The following PTPRJ variants were observed in gnomAD, a reference collection of about 807,000 sequenced individuals.
PTPRJ encodes protein tyrosine phosphatase receptor type J, also known as receptor-type tyrosine-protein phosphatase eta.
PTPRJ carries 129 observed loss-of-function variants against 141.3 expected under a neutral mutation model. The observed-to-expected ratio is 0.91, with a 90% CI of 0.79 to 1.06. PTPRJ has a LOEUF of 1.06. Among genes scored for constraint, PTPRJ ranks in the 50% least tolerant of loss-of-function variants. The pLI is 0.00. For synonymous variants in PTPRJ, 610 were observed against 640.5 expected, an observed-to-expected ratio of 0.95 and a Z score of 0.72; for missense variants, 1,601 against 1,679.7, an observed-to-expected ratio of 0.95 and a Z score of 0.82.
intron 1 of PTPRJ, among the ~76,000 whole-genome samples, chr11:48,082,392 C>T (rs1201700270): frequency 1.3e-5 from 2 of 150,136 alleles, no homozygotes; most frequent in African/African-American, 4.9e-5. Flanking sequence ...CACAGGCTTA[C>T]ACCACCATAC....
At chr11:48,094,451 A>T (rs1855951277) in intron 1 of PTPRJ, among the ~76,000 whole-genome samples, 1 of 152,184 alleles carries the variant, frequency 6.6e-6, no homozygotes, top group Non-Finnish European at 1.5e-5. Context: ...TCCGAAATGA[A>T]GTGTTGTTTG....
chr11:48,126,809 CACACACACACAGAT>C lies in PTPRJ; in HGVS notation c.1094-969_1094-956del, dbSNP rs1237010614. Among the ~76,000 whole-genome samples, 1,108 of 127,434 alleles carry C rather than the reference CACACACACACAGAT, an allele frequency of 8.7e-3. 18 individuals are homozygous for C. Among genetic ancestry groups the C allele is most frequent in the African/African-American group, 0.036 (1,051 of 29,288 alleles). The allele number at this position is 127,434 out of a possible 152,430, so 83.6% of individuals were successfully genotyped here. A position where few individuals can be genotyped will look rare whatever the true frequency, so the allele number is the denominator to read the frequency against. ...ACACACACACACACACACACACACACACACACACACAGATAAACACACATTTCCACCCACCCCAG... is the reference window on the plus strand; with the variant it reads ...ACACACACACACACACACACACACACAAACACACATTTCCACCCACCCCAG... On this transcript the variant is annotated intron_variant, in intron 6 of 24. Coordinates refer to ENST00000418331, the MANE Select transcript of PTPRJ (RefSeq NM_002843.4).
chr11:48,049,632 T>C (rs1248905662), intron 1 of PTPRJ, among the ~76,000 whole-genome samples: 4 of 150,628 alleles, frequency 2.7e-5, no homozygotes, highest in African/African-American at 9.8e-5. Context: ...GAGAATCGCT[T>C]GAACCTGGGA....
intron 1 of PTPRJ, among the ~76,000 whole-genome samples, chr11:48,005,978 A>G (rs1273149251): frequency 6.6e-6 from 1 of 152,228 alleles, no homozygotes; most frequent in Non-Finnish European, 1.5e-5. Flanking sequence ...CTGCTGGGCC[A>G]GGCGATTGCA....
In PTPRJ at chr11:48,121,008, A is replaced by G. The variant is rs1327398947; in HGVS notation, c.358A>G (p.Ser120Gly). 1 of 1,590,512 alleles carries G rather than the reference A, an allele frequency of 6.3e-7. No individual in the cohort carries two copies. The highest frequency in any genetic ancestry group is 1.1e-5 in the South Asian group (1 of 88,222). The change falls in exon 4 of 25, where the codon AGT becomes GGT. Residue 120 changes from serine to glycine, a missense_variant. Ser to Gly is a moderately conservative substitution (Grantham distance 56). Coordinates refer to ENST00000418331, the MANE Select transcript of PTPRJ (RefSeq NM_002843.4). The stretch of plus-strand genomic sequence containing the variant: ...TTTTTTTTTTAACAATATAGGGCCC[A>G]GTCCTGTGTTTGACATTAAAGCTGT... ...SQKTPSSTGP[S>G]PVFDIKAVSI... is the part of the protein sequence containing the mutation.
intron 1 of PTPRJ, among the ~76,000 whole-genome samples, chr11:48,035,738 C>T (rs951914661): frequency 6.6e-6 from 1 of 151,978 alleles, no homozygotes; most frequent in Admixed American, 6.6e-5. Context: ...ATGATATTCT[C>T]ATCAGGCTGA....
chr11:48,112,472 C>T (rs1307965747), intron 2 of PTPRJ, among the ~76,000 whole-genome samples: 1 of 152,168 alleles, frequency 6.6e-6, no homozygotes, highest in African/African-American at 2.4e-5. Context: ...AGCTCTTGGC[C>T]ATAGGAGCTC....
intron 1 of PTPRJ, among the ~76,000 whole-genome samples, chr11:48,000,621 T>A (rs896783546): frequency 6.6e-6 from 1 of 151,390 alleles, no homozygotes; most frequent in Non-Finnish European, 1.5e-5. Flanking sequence ...ACCCACTCCC[T>A]GTTCACAGAC....
intron 1 of PTPRJ, among the ~76,000 whole-genome samples, chr11:48,086,912 G>A (rs1264561890): frequency 6.6e-6 from 1 of 152,098 alleles, no homozygotes; most frequent in Non-Finnish European, 1.5e-5. Context: ...CTGAGGAAAT[G>A]CATACTTTGA....
intron 7 of PTPRJ, among the ~76,000 whole-genome samples, chr11:48,128,427 G>A (rs2134348954): frequency 6.6e-6 from 1 of 152,234 alleles, no homozygotes; most frequent in East Asian, 1.9e-4. Flanking sequence ...ATCCCCTTGT[G>A]TCTTGGGTGC....
At chr11:48,074,936 T>C (rs1213727482) in intron 1 of PTPRJ, among the ~76,000 whole-genome samples, 1 of 151,996 alleles carries the variant, frequency 6.6e-6, no homozygotes, top group Admixed American at 6.6e-5. Context: ...TAAGCAAGCA[T>C]AGGTGAGGTG....
chr11:47,988,378 C>G (rs1445251704), intron 1 of PTPRJ, among the ~76,000 whole-genome samples: 1 of 151,342 alleles, frequency 6.6e-6, no homozygotes, highest in Non-Finnish European at 1.5e-5. Context: ...TCAGTTTGTA[C>G]CCCAGCGTGG....
chr11:48,145,562 T>TG, intron 14 of PTPRJ, among the ~76,000 whole-genome samples: 1 of 145,800 alleles, frequency 6.9e-6, no homozygotes, highest in Admixed American at 6.7e-5. Flanking sequence ...TTTTATGTTT[T>TG]TTTTTTTTTT....
chr11:48,044,914 G>A (rs550178170), intron 1 of PTPRJ: 1 of 152,386 alleles, frequency 6.6e-6, no homozygotes, highest in East Asian at 1.9e-4. Context: ...GAATATTGGT[G>A]TTGGGGATGA....
At chr11:48,115,809 AG>A (rs1170399720) in intron 3 of PTPRJ, among the ~76,000 whole-genome samples, 2 of 152,242 alleles carry the variant, frequency 1.3e-5, no homozygotes, top group Non-Finnish European at 2.9e-5. Context: ...ATGGACTAGA[AG>A]TGTAGAGGTC....
intron 1 of PTPRJ, among the ~76,000 whole-genome samples, chr11:48,099,072 C>T (rs1030801143): frequency 1.3e-5 from 2 of 152,158 alleles, no homozygotes; most frequent in African/African-American, 4.8e-5. Flanking sequence ...AGGGGAAGAT[C>T]GAAATTTAGC....
Position 48,139,699 on chromosome 11 carries a change from A to C in PTPRJ, c.2366A>C (p.Tyr789Ser). The C allele has an allele frequency of 3.7e-6, 6 of 1,614,152 alleles. No individual in the cohort carries two copies. Among genetic ancestry groups the C allele is most frequent in the Non-Finnish European group, 5.1e-6 (6 of 1,180,028 alleles). The change falls in exon 11 of 25, where the codon TAC becomes TCC. Residue 789 changes from tyrosine to serine, a missense_variant. Physicochemically the swap from Tyr to Ser is moderately radical, Grantham distance 144. Transcript: ENST00000418331. ...EVTYLNFSTS[Y>S]NISITTVSCG... ...ACGTATTTGAATTTTTCTACCTCGTACAACATCAGCATCACCACTGTGTCC... is the reference window on the plus strand; with the variant it reads ...ACGTATTTGAATTTTTCTACCTCGTCCAACATCAGCATCACCACTGTGTCC...
intron 1 of PTPRJ, among the ~76,000 whole-genome samples, chr11:48,049,514 C>CCAAAACAAAACAAAACAAAA (rs1565276216): frequency 7.1e-5 from 9 of 127,300 alleles, no homozygotes; most frequent in African/African-American, 3.1e-4. Flanking sequence ...CCCGTCTCTA[C>CCAAAACAAAACAAAACAAAA]TAAAACAAAA....
chr11:47,990,870 A>G (rs1461201264), intron 1 of PTPRJ, among the ~76,000 whole-genome samples: 2 of 151,768 alleles, frequency 1.3e-5, no homozygotes, highest in Non-Finnish European at 2.9e-5. Context: ...TAGTAGAGAC[A>G]GGGTTTCATT....
Sources: gnomAD v4.1 joint callset for allele counts (sites outside exome capture counted in the v4.1 genomes callset) on GRCh38, gnomAD v4.1.1 for gene constraint, MANE v1.5 for transcripts, NCBI Gene and HGNC (gene_info 2026-07-23, HGNC 2026-07-21) for gene names.